F13A1: variants seen among roughly 807,000 people sequenced by gnomAD.
F13A1 encodes FSF, A subunit.
Under a neutral mutation model 80.1 loss-of-function variants are expected in F13A1, and 47 were observed. The ratio of observed to expected loss-of-function variants is 0.59; its 90% CI spans 0.46 to 0.75. F13A1 has a LOEUF of 0.75. F13A1 is among the 30% of genes least tolerant of loss of function. The pLI is 0.00. For synonymous variants in F13A1, 349 were observed against 344.9 expected (o/e 1.01, Z -0.13); for missense variants, 817 against 930.4 (o/e 0.88, Z 1.59).
chr6:6,167,350 C>A, intron 13 of F13A1, 108 bp downstream of exon 13: 11 of 1,046,948 alleles, frequency 1.1e-5, no homozygotes, highest in Middle Eastern at 2.8e-4. Context: ...TTTTTTTGAG[C>A]AGGACATTCA....
chr6:6,308,606 CTTTTTTTTTTTTTT>C (rs770570204), intron 2 of F13A1, among the ~76,000 whole-genome samples: 1 of 88,850 alleles, frequency 1.1e-5, no homozygotes, highest in Non-Finnish European at 2.1e-5. Context: ...AAAACACATT[CTTTTTTTTTTTTTT>C]TTTTTTTTTT....
chr6:6,240,727 T>A (rs1243539115), intron 6 of F13A1, among the ~76,000 whole-genome samples: 1 of 152,216 alleles, frequency 6.6e-6, no homozygotes, highest in South Asian at 2.1e-4. Flanking sequence ...TTTTTAAAAA[T>A]CTTCAATGAA....
intron 10 of F13A1, among the ~76,000 whole-genome samples, chr6:6,195,043 G>A (rs903146361): frequency 6.6e-5 from 10 of 152,248 alleles, no homozygotes; most frequent in African/African-American, 2.4e-4. Context: ...CCCTGGGGAA[G>A]TCCTGCCTCT....
chr6:6,284,668 T>G (rs552892582), intron 3 of F13A1, among the ~76,000 whole-genome samples: 25 of 152,278 alleles, frequency 1.6e-4, no homozygotes, highest in African/African-American at 6.0e-4. Context: ...GCCAGACACT[T>G]GATTCAGGGA....
chr6:6,204,212 C>A (rs1279525784), intron 8 of F13A1, among the ~76,000 whole-genome samples: 1 of 152,216 alleles, frequency 6.6e-6, no homozygotes, highest in East Asian at 1.9e-4. Context: ...AGGGTCATCT[C>A]ATTTACAATC....
At chr6:6,198,947 G>T (rs1490862333) in intron 8 of F13A1, among the ~76,000 whole-genome samples, 1 of 152,194 alleles carries the variant, frequency 6.6e-6, no homozygotes, top group Non-Finnish European at 1.5e-5. Context: ...TGGGAATTTA[G>T]GAGGTCAAGA....
intron 11 of F13A1, among the ~76,000 whole-genome samples, chr6:6,181,705 G>C (rs1760988578): frequency 6.6e-6 from 1 of 152,186 alleles, no homozygotes; most frequent in Non-Finnish European, 1.5e-5. Flanking sequence ...GTTCTTGTGA[G>C]CAAGAACATA....
At chr6:6,181,047 C>T (rs1760974169) in intron 11 of F13A1, among the ~76,000 whole-genome samples, 2 of 152,174 alleles carry the variant, frequency 1.3e-5, no homozygotes, top group Admixed American at 6.5e-5. Flanking sequence ...CAGTTCTGGC[C>T]ACTGCTGGCC....
chr6:6,227,999 A>C (rs1258342600), intron 6 of F13A1, among the ~76,000 whole-genome samples: 1 of 152,216 alleles, frequency 6.6e-6, no homozygotes, highest in African/African-American at 2.4e-5. Context: ...GGTTAAAATA[A>C]TATCTCCCCT....
intron 9 of F13A1, among the ~76,000 whole-genome samples, chr6:6,196,860 CTCTCCTGCCTTATA>C (rs532913648): frequency 1.5e-3 from 230 of 152,308 alleles, no homozygotes; most frequent in African/African-American, 5.3e-3. Flanking sequence ...TCTCTATTTT[CTCTCCTGCCTTATA>C]TCTTACCAGT....
intron 3 of F13A1, among the ~76,000 whole-genome samples, chr6:6,296,675 A>G (rs1281060159): frequency 6.8e-6 from 1 of 147,998 alleles, no homozygotes; most frequent in Non-Finnish European, 1.5e-5. Context: ...CTAGATATAC[A>G]ATCATGTCGT....
At chr6:6,191,097 T>C (rs6597196) in intron 10 of F13A1, among the ~76,000 whole-genome samples, 78,957 of 141,152 alleles carry the variant, frequency 0.56, 18,565 homozygotes, top group African/African-American at 0.67. Flanking sequence ...GCACGGTGCG[T>C]GCACCCACTG....
intron 14 of F13A1, among the ~76,000 whole-genome samples, chr6:6,148,658 G>A (rs1760324995): frequency 6.6e-6 from 1 of 152,134 alleles, no homozygotes; most frequent in African/African-American, 2.4e-5. Context: ...GCACGGACTG[G>A]CTCAGGTCTT....
At chr6:6,236,926 G>A (rs1322664924) in intron 6 of F13A1, among the ~76,000 whole-genome samples, 1 of 152,100 alleles carries the variant, frequency 6.6e-6, no homozygotes, top group Non-Finnish European at 1.5e-5. Flanking sequence ...GCTACAGTGT[G>A]GTGGTGACCA....
chr6:6,146,063 T>C (rs1035664769), intron 14 of F13A1, among the ~76,000 whole-genome samples: 1 of 152,144 alleles, frequency 6.6e-6, no homozygotes, highest in Non-Finnish European at 1.5e-5. Flanking sequence ...CATCCAACCA[T>C]TAATCAACTG....
intron 8 of F13A1, among the ~76,000 whole-genome samples, chr6:6,216,279 C>T (rs977385053): frequency 1.3e-5 from 2 of 151,896 alleles, no homozygotes; most frequent in African/African-American, 4.8e-5. Flanking sequence ...TCAAACTATA[C>T]TACAAGGCTA....
intron 14 of F13A1, among the ~76,000 whole-genome samples, chr6:6,149,980 C>T (rs1760344363): frequency 6.6e-6 from 1 of 152,204 alleles, no homozygotes; most frequent in Non-Finnish European, 1.5e-5. Context: ...AGCCTGAGGC[C>T]TCCCAAATAG....
chr6:6,204,996 C>G (rs1318140564), intron 8 of F13A1, among the ~76,000 whole-genome samples: 1 of 152,224 alleles, frequency 6.6e-6, no homozygotes. Context: ...CCTGGGGAAG[C>G]CCTGGGTAGC....
At chr6:6,180,569 A>G (rs1363491239) in intron 11 of F13A1, among the ~76,000 whole-genome samples, 1 of 152,216 alleles carries the variant, frequency 6.6e-6, no homozygotes, top group African/African-American at 2.4e-5. Context: ...CTACAGTAAG[A>G]GGGCATTGCT....
Sources: allele counts gnomAD v4.1 joint callset (sites outside exome capture counted in the v4.1 genomes callset), GRCh38; gene constraint gnomAD v4.1.1; transcripts MANE v1.5; gene names NCBI Gene and HGNC (gene_info 2026-07-23, HGNC 2026-07-21).